The following FAM184A variants were observed in gnomAD, a reference collection of about 807,000 sequenced individuals.
FAM184A encodes protein FAM184A.
FAM184A carries 99 observed loss-of-function variants against 143.8 expected under a neutral mutation model. That is an observed-to-expected ratio of 0.69 (90% CI 0.58 to 0.81). The LOEUF is 0.81. Ranked by LOEUF, FAM184A falls within the 40% of genes least tolerant of loss-of-function variation. The pLI is 0.00. For missense variants in FAM184A, 1,217 were observed against 1,310.5 expected (o/e 0.93, Z 1.10); for synonymous variants, 427 against 446.4 (o/e 0.96, Z 0.55).
At chr6:118,991,528 G>A (rs970514801) in intron 9 of FAM184A, among the ~76,000 whole-genome samples, 1 of 152,086 alleles carries the variant, frequency 6.6e-6, no homozygotes, top group Non-Finnish European at 1.5e-5. Flanking sequence ...TAACTTTGGG[G>A]AAAGAGTACC....
intron 1 of FAM184A, among the ~76,000 whole-genome samples, chr6:119,087,757 A>G (rs926063738): frequency 3.0e-4 from 45 of 152,324 alleles, no homozygotes; most frequent in African/African-American, 8.2e-4. Flanking sequence ...TATATACCCA[A>G]AATAATTGAA....
intron 1 of FAM184A, among the ~76,000 whole-genome samples, chr6:119,039,550 T>C (rs1228491249): frequency 1.3e-5 from 2 of 152,324 alleles, no homozygotes; most frequent in South Asian, 2.1e-4. Flanking sequence ...ATGATCCCAA[T>C]TACATGACAT....
chr6:118,993,682 A>G (rs1582477796), intron 9 of FAM184A, among the ~76,000 whole-genome samples: 1 of 152,254 alleles, frequency 6.6e-6, no homozygotes, highest in African/African-American at 2.4e-5. Flanking sequence ...ATAATAGCAG[A>G]AAGAGAAAAT....
chr6:119,005,779 CT>C, intron 7 of FAM184A: 1 of 278,788 alleles, frequency 3.6e-6, no homozygotes, highest in Non-Finnish European at 6.7e-6. Context: ...TTTATGGATT[CT>C]TTTTCTCTAC....
intron 1 of FAM184A, among the ~76,000 whole-genome samples, chr6:119,076,861 CTCTG>C (rs1787890982): frequency 1.3e-5 from 2 of 152,110 alleles, no homozygotes; most frequent in Non-Finnish European, 2.9e-5. Flanking sequence ...GAATGCAATA[CTCTG>C]ACAAAAAAGG....
At chr6:119,014,708 G>T (rs1168662409) in intron 5 of FAM184A, among the ~76,000 whole-genome samples, 1 of 152,132 alleles carries the variant, frequency 6.6e-6, no homozygotes, top group Non-Finnish European at 1.5e-5. Context: ...GAACTACCAG[G>T]TATGTTACTC....
intron 1 of FAM184A, among the ~76,000 whole-genome samples, chr6:119,072,349 C>T (rs1318383582): frequency 6.6e-6 from 1 of 152,152 alleles, no homozygotes; most frequent in African/African-American, 2.4e-5. Context: ...GGCAAAGCTA[C>T]AATGTAACAA....
rs1785854134 is a variant in FAM184A at position 119,031,125 on chromosome 6, G to C, written c.160-6312C>G. 2.0e-5 allele frequency among the ~76,000 whole-genome samples: 3 copies of C among 151,874 alleles called. No homozygotes were observed. In the South Asian group the frequency reaches 6.3e-4, roughly 32 times the overall value. On this transcript the variant is annotated intron_variant, in intron 1 of 17. Transcript: ENST00000338891. ...GATAAATCAGATAATCTTTCCCCCA[G>C]GTAAAATGTGAACAATTCTAGATCC... is the stretch of plus-strand genomic sequence containing the variant.
At chr6:119,029,225 T>C (rs1354621879) in intron 1 of FAM184A, among the ~76,000 whole-genome samples, 1 of 152,142 alleles carries the variant, frequency 6.6e-6, no homozygotes, top group Admixed American at 6.5e-5. Flanking sequence ...ATCATTAGCA[T>C]TCTGTGCATT....
intron 4 of FAM184A, among the ~76,000 whole-genome samples, chr6:119,018,323 C>G (rs1785334253): frequency 6.6e-6 from 1 of 152,078 alleles, no homozygotes; most frequent in African/African-American, 2.4e-5. Flanking sequence ...TTACAACAAC[C>G]CCAGAGGAAA....
At chr6:119,009,109 C>T (rs1243627721) in intron 6 of FAM184A, among the ~76,000 whole-genome samples, 5 of 152,176 alleles carry the variant, frequency 3.3e-5, no homozygotes, top group Non-Finnish European at 1.5e-5. Context: ...GCTTTAGTAA[C>T]TGGTACCTAC....
chr6:119,047,184 A>T lies in FAM184A; in HGVS notation c.160-22371T>A, dbSNP rs182130180. Among the ~76,000 whole-genome samples the T allele has an allele frequency of 1.4e-4, 22 of 152,324 alleles. No homozygotes were observed. The South Asian group carries it at 2.9e-3, about 20-fold the overall frequency. ...CAAATCAAAACTACAATGAGATATC[A>T]TCTCATTCCAGTTAAAATGGCTTAT... is the stretch of plus-strand genomic sequence containing the variant. On this transcript the variant is annotated intron_variant, in intron 1 of 17. Transcript: ENST00000338891.
intron 11 of FAM184A, 41 bp from the exon 12 acceptor site, chr6:118,976,085 A>C: frequency 1.3e-6 from 2 of 1,587,222 alleles, no homozygotes; most frequent in South Asian, 2.3e-5. Flanking sequence ...ACATTTAAAA[A>C]ATATTATCAA....
intron 12 of FAM184A, 121 bp downstream of exon 12, chr6:118,975,796 A>G: frequency 2.1e-6 from 2 of 961,480 alleles, no homozygotes; most frequent in South Asian, 3.3e-5. Flanking sequence ...AAGCTCTTCA[A>G]TATAAATAGA....
chr6:119,035,087 AT>A (rs1207635227), intron 1 of FAM184A, among the ~76,000 whole-genome samples: 4 of 152,092 alleles, frequency 2.6e-5, no homozygotes, highest in South Asian at 2.1e-4. Context: ...CTACGGAAGG[AT>A]TTTTTTTAAA....
chr6:118,979,001 G>A (rs1783933328), intron 11 of FAM184A, among the ~76,000 whole-genome samples: 1 of 152,084 alleles, frequency 6.6e-6, no homozygotes, highest in Non-Finnish European at 1.5e-5. Context: ...ACAAAATCTT[G>A]AAGTGTAAAA....
intron 1 of FAM184A, among the ~76,000 whole-genome samples, chr6:119,147,316 C>T (rs1311684357): frequency 7.3e-6 from 1 of 137,766 alleles, no homozygotes; most frequent in Non-Finnish European, 1.6e-5. Flanking sequence ...TGGTATTAAC[C>T]GCTGGGCTTC....
rs543576909 is a variant in FAM184A, at chr6:119,018,747, C to T, written c.1332+1231G>A. 5.5e-4 allele frequency among the ~76,000 whole-genome samples: 83 copies of T among 152,070 alleles called. 1 individual carries two copies. Among genetic ancestry groups the T allele is most frequent in the African/African-American group, 1.9e-3 (80 of 41,468 alleles). On this transcript the variant is annotated intron_variant, in intron 4 of 17. Transcript: ENST00000338891. ...AGGCAAGCAATGACACGTGCCTAAA[C>T]CTCGGATCTATAAATGGGTATGAGC...
chr6:119,119,159 C>T (rs1208693151), intron 1 of FAM184A, among the ~76,000 whole-genome samples: 1 of 152,168 alleles, frequency 6.6e-6, no homozygotes, highest in East Asian at 1.9e-4. Context: ...AACCCTGTCT[C>T]CCGATAAGAT....
Sources: allele counts gnomAD v4.1 joint callset (sites outside exome capture counted in the v4.1 genomes callset), GRCh38; gene constraint gnomAD v4.1.1; transcripts MANE v1.5; gene names NCBI Gene and HGNC (gene_info 2026-07-23, HGNC 2026-07-21).